KIAA1328: variants seen among roughly 807,000 people sequenced by gnomAD.
KIAA1328 encodes protein hinderin.
In KIAA1328, 52 loss-of-function variants were observed where a neutral mutation model predicts 68.1. The ratio of observed to expected loss-of-function variants is 0.76; its 90% CI spans 0.61 to 0.96. KIAA1328 has a LOEUF of 0.96. KIAA1328 is among the 40% of genes least tolerant of loss of function. KIAA1328 has a pLI of 0.00. For missense variants in KIAA1328, 641 were observed against 677.6 expected, an observed-to-expected ratio of 0.95 and a Z score of 0.60; for synonymous variants, 232 against 239.4, an observed-to-expected ratio of 0.97 and a Z score of 0.28.
chr18:36,921,598 G>T (rs2049926724), intron 5 of KIAA1328, among the ~76,000 whole-genome samples: 1 of 152,012 alleles, frequency 6.6e-6, no homozygotes, highest in East Asian at 1.9e-4. Context: ...TAGAGACGGG[G>T]TTTCACTGTG....
chr18:36,989,708 T>C (rs2053092478), intron 6 of KIAA1328, among the ~76,000 whole-genome samples: 1 of 152,160 alleles, frequency 6.6e-6, no homozygotes, highest in Non-Finnish European at 1.5e-5. Context: ...TTTTTTTCTT[T>C]TTTTGAGACG....
rs75197735 is a variant in KIAA1328 at position 37,153,301 on chromosome 18, G to A, written c.1233-6899G>A. Among the ~76,000 whole-genome samples the A allele has an allele frequency of 5.9e-3, 896 of 152,224 alleles. 11 individuals are homozygous for A. The highest frequency in any genetic ancestry group is 0.02 in the African/African-American group (832 of 41,528). The stretch of plus-strand genomic sequence containing the variant: ...CCACTCTTAAACTCACTCCTTGTGT[G>A]TCTGCGTCATTGATTTCCTTGGCTT... On this transcript the variant is annotated intron_variant, in intron 7 of 9. Transcript: ENST00000280020.
At chr18:36,954,928 C>G (rs964674969) in intron 5 of KIAA1328, among the ~76,000 whole-genome samples, 1 of 152,012 alleles carries the variant, frequency 6.6e-6, no homozygotes, top group East Asian at 1.9e-4. Flanking sequence ...AACTCCTGAC[C>G]TCAGGTGATC....
At chr18:37,028,626 G>A (rs1240405867) in intron 6 of KIAA1328, among the ~76,000 whole-genome samples, 1 of 151,928 alleles carries the variant, frequency 6.6e-6, no homozygotes. Context: ...AATGTTTCCA[G>A]CTTTTTCCCA....
intron 7 of KIAA1328, chr18:37,075,110 C>G (rs1368333748): frequency 6.6e-6 from 1 of 151,924 alleles, no homozygotes; most frequent in Non-Finnish European, 1.5e-5. Flanking sequence ...CAAAGGGAAG[C>G]CCATCAGACT....
chr18:36,936,496 G>A (rs1464257445), intron 5 of KIAA1328, among the ~76,000 whole-genome samples: 2 of 152,076 alleles, frequency 1.3e-5, no homozygotes, highest in South Asian at 4.1e-4. Context: ...TCATGTATAT[G>A]TGCCACAATG....
At chr18:37,126,163 T>G (rs748830863) in intron 7 of KIAA1328, among the ~76,000 whole-genome samples, 10 of 152,242 alleles carry the variant, frequency 6.6e-5, no homozygotes, top group Non-Finnish European at 1.5e-4. Flanking sequence ...CCTTTAGGCT[T>G]TGTATATAAG....
intron 5 of KIAA1328, among the ~76,000 whole-genome samples, chr18:36,953,415 TAGATAGAG>T (rs1363221962): frequency 8.0e-5 from 11 of 137,406 alleles, no homozygotes; most frequent in Admixed American, 2.3e-4. Context: ...GATAGATAGA[TAGATAGAG>T]ATAGATAGAT....
At chr18:36,880,310 G>T (rs999592360) in intron 4 of KIAA1328, among the ~76,000 whole-genome samples, 16 of 152,230 alleles carry the variant, frequency 1.1e-4, no homozygotes, top group African/African-American at 3.6e-4. Context: ...CGCTTCCGGG[G>T]TAAGGTAATG....
chr18:36,926,381 CTCTATTTATT>C (rs1191642516), intron 5 of KIAA1328, among the ~76,000 whole-genome samples: 2 of 109,374 alleles, frequency 1.8e-5, no homozygotes, highest in East Asian at 6.3e-4. Context: ...ATCTCTCTCT[CTCTATTTATT>C]TATTTATTTA....
chr18:37,169,557 A>T (rs2059459896), intron 8 of KIAA1328, among the ~76,000 whole-genome samples: 2 of 152,072 alleles, frequency 1.3e-5, no homozygotes, highest in Non-Finnish European at 1.5e-5. Flanking sequence ...ATACAGGAAT[A>T]TAGAGTTCCA....
At chr18:37,080,064 T>C (rs2056898029) in intron 7 of KIAA1328, among the ~76,000 whole-genome samples, 1 of 152,202 alleles carries the variant, frequency 6.6e-6, no homozygotes, top group African/African-American at 2.4e-5. Flanking sequence ...CCAGGAAGGT[T>C]CACAGTATAC....
chr18:36,949,366 A>C (rs1282687750), intron 5 of KIAA1328, among the ~76,000 whole-genome samples: 1 of 152,186 alleles, frequency 6.6e-6, no homozygotes, highest in African/African-American at 2.4e-5. Context: ...TTTTGTGAAA[A>C]GGAAACTATA....
At chr18:36,840,275 A>C (rs2046815698) in intron 3 of KIAA1328, among the ~76,000 whole-genome samples, 1 of 151,692 alleles carries the variant, frequency 6.6e-6, no homozygotes, top group African/African-American at 2.4e-5. Flanking sequence ...TTTTTTTGTC[A>C]GGTTTTTGTT....
At chr18:37,146,135 T>A (rs924712275) in intron 7 of KIAA1328, among the ~76,000 whole-genome samples, 1 of 152,110 alleles carries the variant, frequency 6.6e-6, no homozygotes, top group African/African-American at 2.4e-5. Context: ...TGCAGGTTTG[T>A]TATATAGAAA....
intron 6 of KIAA1328, among the ~76,000 whole-genome samples, chr18:36,987,485 TAAAA>T (rs536681918): frequency 9.5e-6 from 1 of 105,314 alleles, no homozygotes; most frequent in African/African-American, 2.9e-5. Context: ...TAGAGTATAA[TAAAA>T]AAAAATAAAT....
At chr18:36,845,171 G>T (rs556210633) in intron 4 of KIAA1328, among the ~76,000 whole-genome samples, 39 of 151,832 alleles carry the variant, frequency 2.6e-4, no homozygotes, top group African/African-American at 8.9e-4. Context: ...AGAATACAGG[G>T]TGTGAGAATT....
At chr18:37,122,414 A>T (rs1158451342) in intron 7 of KIAA1328, among the ~76,000 whole-genome samples, 1 of 152,148 alleles carries the variant, frequency 6.6e-6, no homozygotes, top group East Asian at 1.9e-4. Flanking sequence ...AGCTGCATGC[A>T]GACTTAGAGT....
chr18:36,844,363 G>C, intron 4 of KIAA1328, 61 bp downstream of exon 4: 2 of 1,094,382 alleles, frequency 1.8e-6, no homozygotes, highest in Non-Finnish European at 2.6e-6. Flanking sequence ...ATTGAAAACA[G>C]AAAATTGCAA....
Sources: allele counts gnomAD v4.1 joint callset (sites outside exome capture counted in the v4.1 genomes callset), GRCh38; gene constraint gnomAD v4.1.1; transcripts MANE v1.5; gene names NCBI Gene and HGNC (gene_info 2026-07-23, HGNC 2026-07-21).